Variants in SLC24A3 observed in about 807,000 individuals in gnomAD.
The protein encoded by SLC24A3 is solute carrier family 24 member 3, also known as sodium/potassium/calcium exchanger 3.
SLC24A3 carries 28 observed loss-of-function variants against 75.8 expected under a neutral mutation model. That is an observed-to-expected ratio of 0.37 (90% confidence interval 0.27 to 0.51). The LOEUF (loss-of-function observed/expected upper bound fraction) is 0.51. Among genes scored for constraint, SLC24A3 ranks in the 20% least tolerant of loss-of-function variants. SLC24A3 has a pLI of 0.94. For missense variants in SLC24A3, 663 were observed against 847.8 expected, an observed-to-expected ratio of 0.78 and a Z score of 2.71; for synonymous variants, 372 against 334.1, an observed-to-expected ratio of 1.11 and a Z score of -1.24.
At chr20:19,375,762 A>G (rs1600454201) in intron 2 of SLC24A3, among the ~76,000 whole-genome samples, 1 of 105,100 alleles carries the variant, frequency 9.5e-6, no homozygotes, top group East Asian at 2.0e-4. Flanking sequence ...GGCTGAGGTG[A>G]CCTCCCAGGC....
intron 2 of SLC24A3, among the ~76,000 whole-genome samples, chr20:19,325,765 CAT>C (rs1491578632): frequency 2.3e-5 from 1 of 43,092 alleles, no homozygotes; most frequent in South Asian, 7.1e-4. Context: ...TACATACATA[CAT>C]ATATATATAC....
chr20:19,617,177 C>G (rs1465725600), intron 6 of SLC24A3, among the ~76,000 whole-genome samples: 5 of 152,226 alleles, frequency 3.3e-5, no homozygotes, highest in Non-Finnish European at 7.3e-5. Flanking sequence ...TCCTCTCGAG[C>G]AGATCCTTTC....
chr20:19,326,353 T>C (rs1470643931), intron 2 of SLC24A3, among the ~76,000 whole-genome samples: 1 of 152,134 alleles, frequency 6.6e-6, no homozygotes, highest in Non-Finnish European at 1.5e-5. Flanking sequence ...GGGGACTTGA[T>C]GGGGACTATG....
At chr20:19,293,910 G>A (rs73902306) in intron 2 of SLC24A3, among the ~76,000 whole-genome samples, 6,035 of 150,658 alleles carry the variant, frequency 0.04, 398 homozygotes, top group African/African-American at 0.14. Flanking sequence ...ACGGGGGATT[G>A]GTTCTAGGAC....
chr20:19,281,080 C>T lies in SLC24A3; in HGVS notation c.264C>T (p.Thr88=), dbSNP rs137996874. Residue 88 remains threonine (T), a synonymous_variant, in exon 2 of 17, where the codon ACC becomes ACT. Transcript: ENST00000328041. Reference sequence around the variant, plus strand: ...GACTCCGGAACAGCAAGAACTGCACCGAACCAGGTAACAGTGCTGACTACT... The same window carrying T: ...GACTCCGGAACAGCAAGAACTGCACTGAACCAGGTAACAGTGCTGACTACT... ...DAGLRNSKNC[T]EPALHEFPND... 2.0e-5 allele frequency: 33 copies of T among 1,613,968 alleles called. No homozygotes were observed. Among genetic ancestry groups the T allele is most frequent in the Middle Eastern group, 1.6e-4 (1 of 6,084 alleles).
At chr20:19,460,834 C>T (rs1987658055) in intron 2 of SLC24A3, among the ~76,000 whole-genome samples, 1 of 151,750 alleles carries the variant, frequency 6.6e-6, no homozygotes, top group Non-Finnish European at 1.5e-5. Context: ...AATTAAGTTA[C>T]AGGAAAAAAA....
chr20:19,635,325 A>C (rs1015236878), intron 6 of SLC24A3, among the ~76,000 whole-genome samples: 4 of 152,234 alleles, frequency 2.6e-5, no homozygotes, highest in Non-Finnish European at 5.9e-5. Flanking sequence ...CACACACAGG[A>C]AAAAGCTGAA....
chr20:19,575,615 G>A (rs180770375), intron 3 of SLC24A3, among the ~76,000 whole-genome samples: 5 of 152,282 alleles, frequency 3.3e-5, no homozygotes, highest in East Asian at 3.9e-4. Context: ...ATCATTCATC[G>A]TTTCCAGAAG....
intron 1 of SLC24A3, among the ~76,000 whole-genome samples, chr20:19,239,978 T>C (rs1054261550): frequency 3.9e-5 from 6 of 152,162 alleles, no homozygotes; most frequent in African/African-American, 1.4e-4. Context: ...TTTTCTGTCT[T>C]CCTGCAGGCT....
rs149435919 is a variant in SLC24A3 at position 19,684,213 on chromosome 20, C to T, written c.939C>T (p.Asp313=). Reference sequence around the variant, plus strand: ...GCAAAGCATCAGTGATCATGGTAGACGAGCTGCTGTCAGCCTACCCACACC... The same window carrying T: ...GCAAAGCATCAGTGATCATGGTAGATGAGCTGCTGTCAGCCTACCCACACC... ...FHRKASVIMV[D]ELLSAYPHQL... Residue 313 remains aspartate (D), a synonymous_variant, in exon 11 of 17, where the codon GAC becomes GAT. Transcript: ENST00000328041. 2.2e-4 allele frequency: 363 copies of T among 1,614,126 alleles called. No homozygotes were observed. In the African/African-American group the frequency reaches 3.1e-3, roughly 14 times the overall value.
intron 2 of SLC24A3, among the ~76,000 whole-genome samples, chr20:19,476,878 G>A (rs1987970318): frequency 6.6e-6 from 1 of 152,048 alleles, no homozygotes; most frequent in Non-Finnish European, 1.5e-5. Flanking sequence ...CTCTCCCTCT[G>A]ATTCTTTTGC....
At chr20:19,594,521 G>A (rs1053294290) in intron 6 of SLC24A3, among the ~76,000 whole-genome samples, 11 of 152,254 alleles carry the variant, frequency 7.2e-5, no homozygotes, top group African/African-American at 2.4e-4. Flanking sequence ...TCTTCTTTGG[G>A]CAGTAAGCTC....
intron 2 of SLC24A3, among the ~76,000 whole-genome samples, chr20:19,299,175 T>G (rs2122243572): frequency 6.9e-6 from 1 of 145,894 alleles, no homozygotes; most frequent in Non-Finnish European, 1.5e-5. Flanking sequence ...GTTCTTCCCC[T>G]TCGTGTGTGT....
At chr20:19,546,144 G>A (rs2030586594) in intron 3 of SLC24A3, among the ~76,000 whole-genome samples, 1 of 87,048 alleles carries the variant, frequency 1.1e-5, no homozygotes, top group Non-Finnish European at 2.3e-5. Flanking sequence ...GGGCGACAGA[G>A]CGAGACTCCG....
intron 2 of SLC24A3, among the ~76,000 whole-genome samples, chr20:19,443,234 G>A (rs1392380641): frequency 1.3e-5 from 2 of 152,088 alleles, no homozygotes; most frequent in East Asian, 3.9e-4. Flanking sequence ...CTATGATATT[G>A]ATTTTAGATT....
intron 3 of SLC24A3, among the ~76,000 whole-genome samples, chr20:19,535,138 T>C (rs1453453260): frequency 1.3e-5 from 2 of 152,260 alleles, no homozygotes; most frequent in Non-Finnish European, 2.9e-5. Flanking sequence ...CAAGGCTCAT[T>C]AATTGATCTC....
intron 2 of SLC24A3, among the ~76,000 whole-genome samples, chr20:19,327,333 T>C (rs999712837): frequency 6.6e-6 from 1 of 152,150 alleles, no homozygotes. Flanking sequence ...GGGTTGTCAA[T>C]AAAAAAACGT....
At chr20:19,216,235 T>C (rs961022627) in intron 1 of SLC24A3, among the ~76,000 whole-genome samples, 14 of 152,202 alleles carry the variant, frequency 9.2e-5, no homozygotes, top group African/African-American at 3.4e-4. Context: ...TAGATTACTT[T>C]TGTGTATTTT....
At chr20:19,718,625 C>G (rs1301460473) in intron 16 of SLC24A3, among the ~76,000 whole-genome samples, 2 of 152,152 alleles carry the variant, frequency 1.3e-5, no homozygotes, top group African/African-American at 4.8e-5. Flanking sequence ...TACGGTGCAT[C>G]TTTTTAGGCT....
Sources: gnomAD v4.1 joint callset for allele counts (sites outside exome capture counted in the v4.1 genomes callset) on GRCh38, gnomAD v4.1.1 for gene constraint, MANE v1.5 for transcripts, NCBI Gene and HGNC (gene_info 2026-07-23, HGNC 2026-07-21) for gene names.